Variants in XKR4 observed in about 807,000 individuals in gnomAD.
The protein encoded by XKR4 is XK-related protein 4.
XKR4 carries 12 observed loss-of-function variants against 53.9 expected under a neutral mutation model. The observed-to-expected ratio is 0.22, with a 90% CI of 0.14 to 0.36. XKR4 has a LOEUF of 0.36. Ranked by LOEUF, XKR4 falls within the 10% of genes least tolerant of loss-of-function variation. The probability of loss-of-function intolerance (pLI) is 1.00; values close to 1 mark genes in which losing one functional copy is unlikely to be tolerated. For missense variants in XKR4, 799 were observed against 859.5 expected (o/e 0.93, Z 0.88); for synonymous variants, 354 against 362.4 (o/e 0.98, Z 0.26).
rs978599138 is a variant in XKR4 at position 55,185,006 on chromosome 8, C to A, written c.806+81712C>A. ...CAATCATTAATTACAGTTCGTCTAA[C>A]CTTATACCATTTGAGGTTCAGTTTA... On this transcript the variant is annotated intron_variant, in intron 1 of 2. Coordinates refer to ENST00000327381, the MANE Select transcript of XKR4 (RefSeq NM_052898.2). 1.1e-4 allele frequency among the ~76,000 whole-genome samples: 17 copies of A among 152,222 alleles called. No homozygotes were observed. The East Asian group carries it at 3.3e-3, about 29-fold the overall frequency.
chr8:55,166,850 A>G (rs994747211), intron 1 of XKR4, among the ~76,000 whole-genome samples: 1 of 152,228 alleles, frequency 6.6e-6, no homozygotes, highest in Non-Finnish European at 1.5e-5. Flanking sequence ...GGACTAGAGC[A>G]CAGATTATCT....
In XKR4 at chr8:55,215,617, A is replaced by C. The variant is rs138962977; in HGVS notation, c.806+112323A>C. Among the ~76,000 whole-genome samples, 297 of 152,346 alleles carry C rather than the reference A, an allele frequency of 1.9e-3. 1 individual carries two copies. The highest frequency in any genetic ancestry group is 6.9e-3 in the African/African-American group (285 of 41,580). On this transcript the variant is annotated intron_variant, in intron 1 of 2. Coordinates refer to ENST00000327381, the MANE Select transcript of XKR4 (RefSeq NM_052898.2). ...TAACAATAGACAAAAATGTTAAAAA[A>C]TCTGATTTTTAGATTTTTAGGTTAA... is the stretch of plus-strand genomic sequence containing the variant.
chr8:55,145,007 T>C (rs2129354685), intron 1 of XKR4, among the ~76,000 whole-genome samples: 1 of 152,042 alleles, frequency 6.6e-6, no homozygotes, highest in South Asian at 2.1e-4. Context: ...GATTTTTGTA[T>C]TTTTAGTAGA....
At position 55,539,837 on chromosome 8, in the gene XKR4, A is replaced by C. The variant is rs1008443426; in HGVS notation, c.*15610A>C. On this transcript the variant is annotated 3_prime_UTR_variant, in exon 3 of 3. Coordinates refer to ENST00000327381, the MANE Select transcript of XKR4 (RefSeq NM_052898.2). ...GGACTAGATGTAGGGGCCTGGAAGAAGGAAGTGGCAGATTCACAGGTGGGG... is the reference window on the plus strand; with the variant it reads ...GGACTAGATGTAGGGGCCTGGAAGACGGAAGTGGCAGATTCACAGGTGGGG... 1.3e-5 allele frequency: 2 copies of C among 152,224 alleles called. No homozygotes were observed. Among genetic ancestry groups the C allele is most frequent in the African/African-American group, 2.4e-5 (1 of 41,464 alleles). 9.4% of individuals were successfully genotyped at this position (152,224 alleles called of 1,614,324 possible). A position where few individuals can be genotyped will look rare whatever the true frequency, so the allele number is the denominator to read the frequency against.
Position 55,342,133 on chromosome 8 carries a change from G to A in XKR4, c.807-15545G>A, listed in dbSNP as rs555000949. The stretch of plus-strand genomic sequence containing the variant: ...CTAAGTTGCCCCATCTCTGTAAATG[G>A]CAACTCTATCTTTCCAGGAGCTCAG... On this transcript the variant is annotated intron_variant, in intron 1 of 2. Transcript: ENST00000327381. Among the ~76,000 whole-genome samples, 60 of 151,904 alleles carry A rather than the reference G, an allele frequency of 3.9e-4. 1 individual carries two copies. The South Asian group carries it at 0.012, about 30-fold the overall frequency.
chr8:55,471,637 C>G (rs557386096), intron 2 of XKR4, among the ~76,000 whole-genome samples: 7 of 152,240 alleles, frequency 4.6e-5, no homozygotes, highest in South Asian at 2.1e-4. Flanking sequence ...TTGTCCTCTC[C>G]AAATCTCATG....
At chr8:55,109,594 A>G (rs1816206118) in intron 1 of XKR4, among the ~76,000 whole-genome samples, 1 of 152,252 alleles carries the variant, frequency 6.6e-6, no homozygotes, top group South Asian at 2.1e-4. Context: ...TAATTTATGT[A>G]TAAATCTCTG....
chr8:55,274,436 CTTT>C (rs1278974349), intron 1 of XKR4, among the ~76,000 whole-genome samples: 3 of 143,324 alleles, frequency 2.1e-5, no homozygotes, highest in Admixed American at 7.0e-5. Flanking sequence ...CCAAATTTCC[CTTT>C]TTTTTTTTTT....
chr8:55,453,870 G>C (rs985768125), intron 2 of XKR4: 2 of 553,742 alleles, frequency 3.6e-6, no homozygotes, highest in Non-Finnish European at 7.0e-6. Flanking sequence ...AGGTCCGTGG[G>C]GCAGTACGGG....
intron 1 of XKR4, among the ~76,000 whole-genome samples, chr8:55,324,205 C>T (rs935723619): frequency 6.6e-6 from 1 of 152,170 alleles, no homozygotes; most frequent in African/African-American, 2.4e-5. Context: ...AAGCAATCCT[C>T]CCACCTCAGC....
intron 2 of XKR4, among the ~76,000 whole-genome samples, chr8:55,476,950 G>A (rs543180105): frequency 6.6e-6 from 1 of 152,140 alleles, no homozygotes; most frequent in Non-Finnish European, 1.5e-5. Flanking sequence ...TGCCTCTGTA[G>A]AGTCCACCTC....
intron 2 of XKR4, among the ~76,000 whole-genome samples, chr8:55,421,217 C>T (rs1474364425): frequency 6.6e-6 from 1 of 152,302 alleles, no homozygotes; most frequent in East Asian, 1.9e-4. Context: ...CTTTGATTCT[C>T]ACAATAACTT....
chr8:55,228,588 A>G (rs1336572426), intron 1 of XKR4, among the ~76,000 whole-genome samples: 1 of 152,232 alleles, frequency 6.6e-6, no homozygotes, highest in East Asian at 1.9e-4. Flanking sequence ...AGAAAAAAAA[A>G]ATCAATGTAA....
At chr8:55,286,137 G>C (rs1818904382) in intron 1 of XKR4, among the ~76,000 whole-genome samples, 1 of 152,176 alleles carries the variant, frequency 6.6e-6, no homozygotes, top group Non-Finnish European at 1.5e-5. Context: ...AAGAGCCCCA[G>C]TGCAAAACAA....
At position 55,269,087 on chromosome 8, in the gene XKR4, A is replaced by G. The variant is rs987626375; in HGVS notation, c.807-88591A>G. Among the ~76,000 whole-genome samples, 7 of 152,202 alleles carry G rather than the reference A, an allele frequency of 4.6e-5. No individual in the cohort carries two copies. In the South Asian group the frequency reaches 6.2e-4, roughly 14 times the overall value. On this transcript the variant is annotated intron_variant, in intron 1 of 2. Transcript: ENST00000327381. ...ACAGCTTCTACTGTGCGTGGTGCAC[A>G]GTAGGATTGACAGGAACCAAAATAG...
At chr8:55,417,847 G>T (rs2129392033) in intron 2 of XKR4, among the ~76,000 whole-genome samples, 1 of 152,284 alleles carries the variant, frequency 6.6e-6, no homozygotes, top group East Asian at 1.9e-4. Context: ...ACAGTTTTCT[G>T]CAAGGCAGAT....
At chr8:55,430,479 T>G (rs1476565068) in intron 2 of XKR4, among the ~76,000 whole-genome samples, 1 of 152,178 alleles carries the variant, frequency 6.6e-6, no homozygotes, top group Non-Finnish European at 1.5e-5. Context: ...ATTATACAAA[T>G]ACTGAGCAGA....
At chr8:55,434,865 A>G (rs368292329) in intron 2 of XKR4, among the ~76,000 whole-genome samples, 2 of 152,318 alleles carry the variant, frequency 1.3e-5, no homozygotes, top group East Asian at 3.9e-4. Flanking sequence ...CAAAGGCTAC[A>G]CAGGGGCACA....
intron 2 of XKR4, among the ~76,000 whole-genome samples, chr8:55,470,481 G>A (rs568405157): frequency 7.9e-5 from 12 of 152,136 alleles, no homozygotes; most frequent in South Asian, 2.1e-4. Flanking sequence ...CTTGTCTGCC[G>A]CCACGTGAGA....
Sources: allele counts gnomAD v4.1 joint callset (sites outside exome capture counted in the v4.1 genomes callset), GRCh38; gene constraint gnomAD v4.1.1; transcripts MANE v1.5; gene names NCBI Gene and HGNC (gene_info 2026-07-23, HGNC 2026-07-21).